Variants in PDZD2 observed in about 807,000 individuals in gnomAD.
PDZD2 encodes PDZ domain containing 2, also known as PDZ domain-containing protein 2.
In PDZD2, 90 loss-of-function variants were observed where a neutral mutation model predicts 220.7. That is an observed-to-expected ratio of 0.41 (90% CI 0.34 to 0.49). PDZD2 has a LOEUF of 0.49. Among genes scored for constraint, PDZD2 ranks in the 20% least tolerant of loss-of-function variants. The pLI is 0.28. For missense variants in PDZD2, 3,174 were observed against 3,608.5 expected (o/e 0.88, Z 3.08); for synonymous variants, 1,375 against 1,450.5 (o/e 0.95, Z 1.18).
intron 1 of PDZD2, among the ~76,000 whole-genome samples, chr5:31,712,649 C>A (rs1457476386): frequency 6.6e-6 from 1 of 152,188 alleles, no homozygotes; most frequent in African/African-American, 2.4e-5. Context: ...CCACATGGCA[C>A]GGTGCATTTT....
rs144968017 is a variant in PDZD2, at chr5:31,741,669, C to G, written c.-360-57220C>G. Among the ~76,000 whole-genome samples, 1,474 of 152,300 alleles carry G rather than the reference C, an allele frequency of 9.7e-3. 20 individuals carry two copies. The highest frequency in any genetic ancestry group is 0.033 in the African/African-American group (1,376 of 41,576). ...TCTTGGAAGAGGAATGGACCCACCA[C>G]TGCCAGTTCTAGGCAAAACTGTGAA... On this transcript the variant is annotated intron_variant, in intron 1 of 24. Coordinates refer to ENST00000438447, the MANE Select transcript of PDZD2 (RefSeq NM_178140.4).
intron 2 of PDZD2, among the ~76,000 whole-genome samples, chr5:31,924,200 A>G (rs1411263226): frequency 2.0e-5 from 3 of 152,226 alleles, no homozygotes; most frequent in Non-Finnish European, 1.5e-5. Flanking sequence ...ATATGCTCCA[A>G]GTAGCATAGG....
At position 32,098,492 on chromosome 5, in the gene PDZD2, C is replaced by G. The variant is rs963393663; in HGVS notation, c.8076C>G (p.His2692Gln). 6.2e-7 allele frequency: 1 copy of G among 1,614,038 alleles called. No homozygotes were observed. The highest frequency in any genetic ancestry group is 1.3e-5 in the African/African-American group (1 of 74,908). ...ACGGGAATGTCCTGAAGGTTCTGCA[C>G]CAGGCACAGCTGCACAAAGATGCCC... is the stretch of plus-strand genomic sequence containing the variant. ...LAHGNVLKVL[H>Q]QAQLHKDALV... The change falls in exon 23 of 25, where the codon CAC becomes CAG. Residue 2692 changes from histidine (H) to glutamine (Q), a missense_variant. Around this residue, in one of 4 missense-constraint regions of PDZD2, gnomAD observed 631 missense variants for 789.9 expected, o/e 0.80. Transcript: ENST00000438447. This position sits in a 1 kb window ranked among gnomAD's most constrained non-coding sequence, Gnocchi z 4.1.
chr5:32,100,669 C>G, intron 23 of PDZD2: 1 of 366,698 alleles, frequency 2.7e-6, no homozygotes, highest in Middle Eastern at 1.0e-3. Flanking sequence ...TTGGTGCTGC[C>G]AAGTCTTGGT....
At chr5:31,984,988 G>A (rs997134824) in intron 3 of PDZD2, among the ~76,000 whole-genome samples, 1 of 152,000 alleles carries the variant, frequency 6.6e-6, no homozygotes, top group Non-Finnish European at 1.5e-5. Flanking sequence ...GAGGAGCTGG[G>A]TGATCTTCAT....
chr5:31,738,494 C>T (rs1039858250), intron 1 of PDZD2: 4 of 152,172 alleles, frequency 2.6e-5, no homozygotes, highest in African/African-American at 9.7e-5. Context: ...TGACAAACAG[C>T]TAATGGGCAT....
chr5:31,912,368 C>T (rs140146944), intron 2 of PDZD2, among the ~76,000 whole-genome samples: 1 of 152,266 alleles, frequency 6.6e-6, no homozygotes, highest in Non-Finnish European at 1.5e-5. Flanking sequence ...TATCGCTTCC[C>T]AAAGGCCCCA....
intron 1 of PDZD2, among the ~76,000 whole-genome samples, chr5:31,752,073 G>GTTTTTTTT (rs3032803): frequency 8.4e-5 from 8 of 95,068 alleles, no homozygotes; most frequent in African/African-American, 2.9e-4. Context: ...TTTTGGGTTT[G>GTTTTTTTT]TTTTTTTTTT....
At chr5:31,809,449 C>T (rs1266771753) in intron 2 of PDZD2, among the ~76,000 whole-genome samples, 2 of 152,150 alleles carry the variant, frequency 1.3e-5, no homozygotes, top group African/African-American at 4.8e-5. Context: ...CTGGGAGGTG[C>T]CCCATTCGAG....
chr5:31,983,234 A>T lies in PDZD2; in HGVS notation c.556A>T (p.Thr186Ser), dbSNP rs757727166. 20 of 1,614,032 alleles carry T rather than the reference A, an allele frequency of 1.2e-5. No homozygotes were observed. The highest frequency in any genetic ancestry group is 2.7e-5 in the African/African-American group (2 of 74,930). ...LRRFKHKAHS[T>S]YNGNSSNSSE... ...TCGCTTTAAGCACAAAGCCCACTCC[A>T]CTTATAATGGCAACAGTAGCAACAG... The change falls in exon 3 of 25, where the codon ACT (threonine) becomes TCT (serine). Residue 186 changes from threonine (T) to serine (S), a missense_variant. Physicochemically the swap from Thr to Ser is moderately conservative, Grantham distance 58. This residue lies in a region of PDZD2 where 632 missense variants were observed against 708.1 expected (regional missense o/e 0.89). Transcript: ENST00000438447.
chr5:31,979,997 G>C (rs1750156570), intron 2 of PDZD2, among the ~76,000 whole-genome samples: 1 of 152,142 alleles, frequency 6.6e-6, no homozygotes, highest in Admixed American at 6.5e-5. Context: ...TAATAATACT[G>C]TATTCACTAG....
At chr5:31,799,812 C>A in intron 2 of PDZD2, 88 bp downstream of exon 2, 1 of 830,158 alleles carries the variant, frequency 1.2e-6, no homozygotes. Flanking sequence ...TTTATGAATC[C>A]TGCCAATAAG....
rs181762678 is a variant in PDZD2, at chr5:32,002,475, T to G, written c.1254+2204T>G. Among the ~76,000 whole-genome samples, 5 of 152,108 alleles carry G rather than the reference T, an allele frequency of 3.3e-5. No individual in the cohort carries two copies. In the East Asian group the frequency reaches 9.6e-4, roughly 29 times the overall value. Reference sequence around the variant, plus strand: ...GGGATTCTCTCTGTCAGCTGGTGAATTCCACAAGGAGGGAAATGCTGCAAG... The same window carrying G: ...GGGATTCTCTCTGTCAGCTGGTGAAGTCCACAAGGAGGGAAATGCTGCAAG... On this transcript the variant is annotated intron_variant, in intron 5 of 24. Coordinates refer to ENST00000438447, the MANE Select transcript of PDZD2 (RefSeq NM_178140.4).
At position 32,000,371 on chromosome 5, in the gene PDZD2, C is replaced by T. The variant is rs1437355744; in HGVS notation, c.1254+100C>T. On this transcript the variant is annotated intron_variant, in intron 5 of 24. Coordinates refer to ENST00000438447, the MANE Select transcript of PDZD2 (RefSeq NM_178140.4). The surrounding 1 kb of genome is among the most constrained non-coding windows in gnomAD (Gnocchi z 4.5). ...ACACACACACACAAAGACATGTGTG[C>T]ACTTGTACGTTTGCCTTGGGCTATT... 3.8e-6 allele frequency: 5 copies of T among 1,299,078 alleles called. No individual in the cohort carries two copies. The African/African-American group carries it at 5.8e-5, about 15-fold the overall frequency. The allele number at this position is 1,299,078 out of a possible 1,614,324, so 80.5% of individuals were successfully genotyped here.
At chr5:32,071,556 A>G in intron 16 of PDZD2, 138 bp downstream of exon 16, 1 of 713,690 alleles carries the variant, frequency 1.4e-6, no homozygotes, top group South Asian at 1.6e-5. Context: ...GGAAATCGCA[A>G]CAATGCTCAT....
At position 31,713,617 on chromosome 5, in the gene PDZD2, A is replaced by C. The variant is rs979071907; in HGVS notation, c.-361+74180A>C. ...GTGGTAATGAGTGAGTTCTTCCTCT[A>C]TTAGTTCCTGTGGGAGCTGATTGTT... is the stretch of plus-strand genomic sequence containing the variant. On this transcript the variant is annotated intron_variant, in intron 1 of 24. Coordinates refer to ENST00000438447, the MANE Select transcript of PDZD2 (RefSeq NM_178140.4). Among the ~76,000 whole-genome samples the C allele has an allele frequency of 2.6e-5, 4 of 152,162 alleles. No individual in the cohort carries two copies. In the East Asian group the frequency reaches 7.7e-4, roughly 29 times the overall value.
At chr5:32,017,989 G>A (rs909011446) in intron 6 of PDZD2, among the ~76,000 whole-genome samples, 1 of 152,292 alleles carries the variant, frequency 6.6e-6, no homozygotes, top group East Asian at 1.9e-4. Flanking sequence ...AGGGAAGACC[G>A]CAGGGCTCCA....
chr5:32,038,591 A>C (rs183401201), intron 7 of PDZD2, among the ~76,000 whole-genome samples: 21 of 151,996 alleles, frequency 1.4e-4, no homozygotes, highest in African/African-American at 5.1e-4. Context: ...GTGTCTATTC[A>C]TTACTATTAC....
intron 1 of PDZD2, among the ~76,000 whole-genome samples, chr5:31,662,731 G>C (rs927749489): frequency 6.6e-6 from 1 of 152,186 alleles, no homozygotes; most frequent in African/African-American, 2.4e-5. Flanking sequence ...CCAGGTTCAC[G>C]CCATTCTCCT....
Sources: allele counts gnomAD v4.1 joint callset (sites outside exome capture counted in the v4.1 genomes callset), GRCh38; gene constraint gnomAD v4.1.1; regional missense constraint gnomAD v4.1.1; non-coding constraint Gnocchi (gnomAD v3.1); transcripts MANE v1.5; gene names NCBI Gene and HGNC (gene_info 2026-07-23, HGNC 2026-07-21).